Variants in ATRX observed in about 807,000 individuals in gnomAD.
ATRX encodes the protein chromatin remodeler ATRX.
In ATRX, 12 loss-of-function variants were observed where a neutral mutation model predicts 172.6. That is an observed-to-expected ratio of 0.07 (90% CI 0.04 to 0.11). The LOEUF (loss-of-function observed/expected upper bound fraction) is 0.11. ATRX is among the 10% of genes least tolerant of loss of function. The probability of loss-of-function intolerance (pLI) is 1.00; values close to 1 mark genes in which losing one functional copy is unlikely to be tolerated. For missense variants in ATRX, 1,368 were observed against 1,767.4 expected (o/e 0.77, Z 4.05); for synonymous variants, 674 against 594.7 (o/e 1.13, Z -1.94).
At chrX:77,555,193 A>C (rs1427089283) in intron 30 of ATRX, among the ~76,000 whole-genome samples, 1 of 111,507 alleles carries the variant, frequency 9.0e-6, no homozygotes, top group Non-Finnish European at 1.9e-5. Context: ...AATGATCATT[A>C]AATAAGTCAG....
At chrX:77,619,802 G>A (rs2067507400) in intron 20 of ATRX, among the ~76,000 whole-genome samples, 1 of 111,994 alleles carries the variant, frequency 8.9e-6, no homozygotes. Context: ...AAGAAAAAAA[G>A]TGAGAGATTA....
chrX:77,620,187 G>GT (rs1294884838), intron 20 of ATRX, among the ~76,000 whole-genome samples: 1 of 111,843 alleles, frequency 8.9e-6, no homozygotes, highest in Non-Finnish European at 1.9e-5. Flanking sequence ...TCACAATAGC[G>GT]TATCTCTTAA....
intron 22 of ATRX, among the ~76,000 whole-genome samples, chrX:77,606,688 C>T (rs1476857427): frequency 2.0e-5 from 2 of 100,555 alleles, no homozygotes; most frequent in Admixed American, 1.2e-4. Context: ...TTCGGGAGGC[C>T]GAAGAAGGAG....
intron 4 of ATRX, among the ~76,000 whole-genome samples, chrX:77,697,300 T>C (rs970232559): frequency 8.9e-6 from 1 of 111,736 alleles, no homozygotes; most frequent in Admixed American, 9.5e-5. Flanking sequence ...AGGACATATA[T>C]TGTCTAATGA....
chrX:77,779,890 G>A (rs2076508977), intron 1 of ATRX, among the ~76,000 whole-genome samples: 1 of 112,129 alleles, frequency 8.9e-6, no homozygotes, highest in Non-Finnish European at 1.9e-5. Flanking sequence ...AGCTAAAACT[G>A]AGAGACAAAG....
intron 30 of ATRX, among the ~76,000 whole-genome samples, chrX:77,554,815 CT>C (rs1557058134): frequency 1.8e-5 from 2 of 112,236 alleles, no homozygotes; most frequent in East Asian, 5.6e-4. Context: ...AAGAATGTTA[CT>C]TTTTTCTCCC....
chrX:77,525,286 T>C, intron 30 of ATRX, among the ~76,000 whole-genome samples: 1 of 112,045 alleles, frequency 8.9e-6, no homozygotes, highest in Non-Finnish European at 1.9e-5. Flanking sequence ...AGTCCACTGT[T>C]ACTGACCAGG....
In ATRX at chrX:77,507,503, C is replaced by T. The variant is rs2062737388; in HGVS notation, c.*848G>A. 5.8e-6 allele frequency: 1 copy of T among 172,857 alleles called. No individual in the cohort carries two copies. The highest frequency in any genetic ancestry group is 1.1e-5 in the Non-Finnish European group (1 of 90,571). 14.2% of individuals were successfully genotyped at this position (172,857 alleles called of 1,213,427 possible). On this transcript the variant is annotated 3_prime_UTR_variant, in exon 35 of 35. Coordinates refer to ENST00000373344, the MANE Select transcript of ATRX (RefSeq NM_000489.6). ...TCCCACTGCCAGCAACAGGATGAAG[C>T]ATTAGCACTGGCACCATGCAGTTAA...
At chrX:77,755,971 T>C (rs140997547) in intron 1 of ATRX, among the ~76,000 whole-genome samples, 3 of 112,545 alleles carry the variant, frequency 2.7e-5, no homozygotes, top group Non-Finnish European at 5.6e-5. Flanking sequence ...CCACAGGTTA[T>C]CTGTCCCAGG....
Position 77,626,470 on chromosome X carries a change from T to A in ATRX, c.5135-5938A>T, listed in dbSNP as rs1385485349. On this transcript the variant is annotated intron_variant, in intron 19 of 34. Coordinates refer to ENST00000373344, the MANE Select transcript of ATRX (RefSeq NM_000489.6). ...TCTGAAAAAATGATGTATATCTCTA[T>A]GTGCAAACCTTGAAAGATATGACAA... Among the ~76,000 whole-genome samples the A allele has an allele frequency of 3.6e-5, 4 of 111,605 alleles. No homozygotes were observed. The Admixed American group carries it at 3.8e-4, about 11-fold the overall frequency.
chrX:77,563,615 A>G (rs1349530019), intron 28 of ATRX, among the ~76,000 whole-genome samples: 3 of 110,921 alleles, frequency 2.7e-5, no homozygotes, highest in Admixed American at 9.7e-5. Context: ...GCTTGCCTTT[A>G]CACTCTTAAT....
intron 30 of ATRX, among the ~76,000 whole-genome samples, chrX:77,543,031 C>T (rs1557051591): frequency 9.0e-6 from 1 of 111,687 alleles, no homozygotes; most frequent in Non-Finnish European, 1.9e-5. Flanking sequence ...AGGCAACCTA[C>T]AGAACAGGAG....
At chrX:77,653,528 G>A (rs2069387453) in intron 14 of ATRX, among the ~76,000 whole-genome samples, 1 of 111,995 alleles carries the variant, frequency 8.9e-6, no homozygotes. Context: ...AATGAAAATA[G>A]AGGTTACCAG....
At chrX:77,523,091 G>A (rs2063283634) in intron 31 of ATRX, among the ~76,000 whole-genome samples, 161 bp downstream of exon 31, 1 of 111,464 alleles carries the variant, frequency 9.0e-6, no homozygotes, top group Non-Finnish European at 1.9e-5. Context: ...ACCACTAAAG[G>A]TAGCTGAAAC....
chrX:77,580,959 T>C (rs1156912789), intron 27 of ATRX, among the ~76,000 whole-genome samples: 5 of 112,236 alleles, frequency 4.5e-5, no homozygotes, highest in African/African-American at 1.6e-4. Context: ...TGCCTGTTTC[T>C]TTCTTTGTTT....
intron 33 of ATRX, 170 bp from the exon 34 acceptor site, chrX:77,521,086 A>G (rs2063215596): frequency 1.0e-5 from 5 of 484,282 alleles, no homozygotes; most frequent in Non-Finnish European, 1.7e-5. Flanking sequence ...TCACTGCTGT[A>G]CCTGGGCTGG....
At chrX:77,676,724 A>C (rs1427519245) in intron 9 of ATRX, among the ~76,000 whole-genome samples, 1 of 112,770 alleles carries the variant, frequency 8.9e-6, no homozygotes, top group African/African-American at 3.2e-5. Context: ...TTTAAAATGC[A>C]GTTGAATGTG....
At chrX:77,532,334 A>T (rs1243764526) in intron 30 of ATRX, among the ~76,000 whole-genome samples, 1 of 111,832 alleles carries the variant, frequency 8.9e-6, no homozygotes, top group African/African-American at 3.3e-5. Flanking sequence ...ATAGCCAATG[A>T]ATCCTAAGCA....
chrX:77,672,888 T>C (rs1360830780), intron 10 of ATRX, among the ~76,000 whole-genome samples: 18 of 111,702 alleles, frequency 1.6e-4, no homozygotes, highest in South Asian at 3.7e-4. Flanking sequence ...CACTTTGGTC[T>C]TTTGCTCTCA....
Sources: allele counts gnomAD v4.1 joint callset (sites outside exome capture counted in the v4.1 genomes callset), GRCh38; gene constraint gnomAD v4.1.1; transcripts MANE v1.5; gene names NCBI Gene and HGNC (gene_info 2026-07-23, HGNC 2026-07-21).